Variants in KLF12 observed in about 807,000 individuals in gnomAD.
KLF12 encodes the protein Krueppel-like factor 12.
KLF12 carries 9 observed loss-of-function variants against 37.8 expected under a neutral mutation model. The ratio of observed to expected loss-of-function variants is 0.24; its 90% confidence interval spans 0.14 to 0.42. KLF12 has a LOEUF of 0.42. Ranked by LOEUF, KLF12 falls within the 10% of genes least tolerant of loss-of-function variation. KLF12 has a pLI of 1.00. For missense variants in KLF12, 411 were observed against 516.0 expected (o/e 0.80, Z 1.97); for synonymous variants, 208 against 202.1 (o/e 1.03, Z -0.25).
intron 1 of KLF12, among the ~76,000 whole-genome samples, chr13:74,028,838 A>AT (rs1221764108): frequency 1.5e-3 from 6 of 4,040 alleles, no homozygotes; most frequent in South Asian, 0.25. Context: ...AAGAATTTTC[A>AT]ATTTTTTTAA....
intron 4 of KLF12, among the ~76,000 whole-genome samples, chr13:73,836,149 G>A (rs1884422668): frequency 6.6e-6 from 1 of 152,164 alleles, no homozygotes; most frequent in Non-Finnish European, 1.5e-5. Context: ...AATTGAGTAT[G>A]TGATTATCAC....
chr13:73,987,715 T>TG (rs201456420), intron 2 of KLF12, among the ~76,000 whole-genome samples: 2 of 48,192 alleles, frequency 4.2e-5, no homozygotes, highest in African/African-American at 8.7e-5. Context: ...AGAGAGAAAG[T>TG]GGGGGGGTAG....
At chr13:74,256,662 T>A in the KLF12 span, among the ~76,000 whole-genome samples, 1 of 150,078 alleles carries the variant, frequency 6.7e-6, no homozygotes, top group African/African-American at 2.4e-5. Context: ...GCTTTTCTTT[T>A]ATTAGTGGAA....
chr13:73,846,293 G>A lies in KLF12; in HGVS notation c.204C>T (p.Asp68=). ...TTTGGAAGTGATCTACAGATAACGA[G>A]TCCTCCGGGGGCTCCCCTTTCACAT... Residue 68 remains aspartate, a synonymous_variant, in exon 4 of 8, where the codon GAC becomes GAT. Transcript: ENST00000377669. 6.2e-7 allele frequency: 1 copy of A among 1,614,076 alleles called. No individual in the cohort carries two copies. The highest frequency in any genetic ancestry group is 8.5e-7 in the Non-Finnish European group (1 of 1,179,988).
chr13:73,706,062 G>A (rs1402679032), intron 7 of KLF12, among the ~76,000 whole-genome samples: 1 of 152,158 alleles, frequency 6.6e-6, no homozygotes, highest in Non-Finnish European at 1.5e-5. Flanking sequence ...TGAGGCAGGA[G>A]AATCACTTGA....
intron 5 of KLF12, among the ~76,000 whole-genome samples, chr13:73,775,270 G>T (rs993767560): frequency 4.6e-5 from 7 of 152,014 alleles, no homozygotes; most frequent in Non-Finnish European, 8.8e-5. Flanking sequence ...TATTTTCATG[G>T]TTTTCTGCAT....
chr13:74,024,668 T>G (rs1892928638), intron 1 of KLF12, among the ~76,000 whole-genome samples: 1 of 151,908 alleles, frequency 6.6e-6, no homozygotes, highest in Non-Finnish European at 1.5e-5. Flanking sequence ...TTGACAATAT[T>G]AACGAGTCTG....
intron 2 of KLF12, among the ~76,000 whole-genome samples, chr13:73,971,474 TATC>T (rs1891337408): frequency 6.6e-6 from 1 of 152,142 alleles, no homozygotes; most frequent in Non-Finnish European, 1.5e-5. Flanking sequence ...ATTTCGGCTA[TATC>T]ACTCTTTTCC....
chr13:74,013,194 G>C (rs1005927651), intron 1 of KLF12, among the ~76,000 whole-genome samples: 1 of 152,210 alleles, frequency 6.6e-6, no homozygotes, highest in Non-Finnish European at 1.5e-5. Flanking sequence ...TTACCAAAAG[G>C]CTAACTGGGC....
rs555353329 is a variant in KLF12, at chr13:74,062,912, C to T, written c.-31-67859G>A. Among the ~76,000 whole-genome samples the T allele has an allele frequency of 8.2e-4, 125 of 152,314 alleles. 1 individual carries two copies. Among genetic ancestry groups the T allele is most frequent in the Non-Finnish European group, 1.4e-3 (96 of 68,016 alleles). On this transcript the variant is annotated intron_variant, in intron 1 of 7. Transcript: ENST00000377669. ...GACAATGAGACCCCACTTGAAATAACCTGAAAAGGCTAGAGATCCTCTTCA... is the reference window on the plus strand; with the variant it reads ...GACAATGAGACCCCACTTGAAATAATCTGAAAAGGCTAGAGATCCTCTTCA...
At chr13:73,911,555 GAC>G (rs1210621001) in intron 3 of KLF12, among the ~76,000 whole-genome samples, 1 of 152,184 alleles carries the variant, frequency 6.6e-6, no homozygotes, top group Non-Finnish European at 1.5e-5. Flanking sequence ...TACAGTCAGG[GAC>G]AGAGAAACAG....
At chr13:73,738,934 C>A (rs1056110361) in intron 6 of KLF12, among the ~76,000 whole-genome samples, 2 of 152,006 alleles carry the variant, frequency 1.3e-5, no homozygotes, top group Non-Finnish European at 2.9e-5. Flanking sequence ...TTCTATAAAA[C>A]GGAATAAATA....
At chr13:74,019,995 G>A (rs1255478968) in intron 1 of KLF12, among the ~76,000 whole-genome samples, 4 of 152,230 alleles carry the variant, frequency 2.6e-5, no homozygotes, top group African/African-American at 4.8e-5. Flanking sequence ...CTGTGGCCAT[G>A]TCTTAAAGGT....
the KLF12 span, among the ~76,000 whole-genome samples, chr13:74,226,231 G>C: frequency 6.6e-6 from 1 of 152,124 alleles, no homozygotes; most frequent in South Asian, 2.1e-4. Context: ...AATAAGAAAA[G>C]ACAGTGACTT....
chr13:74,162,621 C>G, the KLF12 span, among the ~76,000 whole-genome samples: 2 of 152,176 alleles, frequency 1.3e-5, no homozygotes, highest in Admixed American at 6.5e-5. Context: ...CTTCGTTGCT[C>G]TCTTACCTCT....
the KLF12 span, among the ~76,000 whole-genome samples, chr13:74,235,864 T>A: frequency 3.9e-5 from 6 of 152,074 alleles, no homozygotes; most frequent in African/African-American, 1.4e-4. Flanking sequence ...GGAATTTGGA[T>A]ATACACACAT....
At chr13:74,153,766 A>G in the KLF12 span, among the ~76,000 whole-genome samples, 56,073 of 152,024 alleles carry the variant, frequency 0.37, 13,143 homozygotes, top group East Asian at 0.77. Flanking sequence ...CTTCTGGTCT[A>G]GGATCTGCTG....
At position 73,954,016 on chromosome 13, in the gene KLF12, T is replaced by C. The variant is rs563029651; in HGVS notation, c.34-9946A>G. 1.6e-3 allele frequency among the ~76,000 whole-genome samples: 212 copies of C among 133,198 alleles called. 1 individual carries two copies. Among genetic ancestry groups the C allele is most frequent in the South Asian group, 2.7e-3 (11 of 4,124 alleles). 87.4% of individuals were successfully genotyped at this position (133,198 alleles called of 152,430 possible). A position where few individuals can be genotyped will look rare whatever the true frequency, so the allele number is the denominator to read the frequency against. ...TTTTTTGAGACGGAGTCTCACTCTG[T>C]TGCCCAGGCTAGAGTGCAGTGACGT... On this transcript the variant is annotated intron_variant, in intron 2 of 7. Transcript: ENST00000377669.
intron 2 of KLF12, among the ~76,000 whole-genome samples, chr13:73,981,713 T>C (rs1291176530): frequency 8.5e-5 from 13 of 152,166 alleles, no homozygotes. Flanking sequence ...ACTGCAGTGG[T>C]AATAAGAGGC....
Sources: allele counts gnomAD v4.1 joint callset (sites outside exome capture counted in the v4.1 genomes callset), GRCh38; gene constraint gnomAD v4.1.1; transcripts MANE v1.5; gene names NCBI Gene and HGNC (gene_info 2026-07-23, HGNC 2026-07-21).